The following SLC22A3 variants were observed in gnomAD, a reference collection of about 807,000 sequenced individuals.
SLC22A3 encodes EMT organic cation transporter 3.
A neutral mutation model predicts 59.1 loss-of-function variants in SLC22A3; 51 were observed. That is an observed-to-expected ratio of 0.86 (90% confidence interval 0.69 to 1.09). SLC22A3 has a LOEUF of 1.09. Among genes scored for constraint, SLC22A3 ranks in the 50% least tolerant of loss-of-function variants. The pLI is 0.00. For synonymous variants in SLC22A3, 325 were observed against 292.0 expected (o/e 1.11, Z -1.15); for missense variants, 711 against 726.3 (o/e 0.98, Z 0.24).
chr6:160,373,283 A>T (rs1785465959), intron 1 of SLC22A3, among the ~76,000 whole-genome samples: 1 of 151,824 alleles, frequency 6.6e-6, no homozygotes, highest in African/African-American at 2.4e-5. Context: ...AGTCTGCTGG[A>T]GTTTGTTGGA....
intron 7 of SLC22A3, among the ~76,000 whole-genome samples, chr6:160,439,065 C>A (rs1245548110): frequency 6.6e-6 from 1 of 152,088 alleles, no homozygotes; most frequent in African/African-American, 2.4e-5. Context: ...ATGGAATTAA[C>A]ATATTATAAG....
intron 1 of SLC22A3, among the ~76,000 whole-genome samples, chr6:160,385,939 C>T (rs1449631432): frequency 6.6e-6 from 1 of 151,474 alleles, no homozygotes; most frequent in Non-Finnish European, 1.5e-5. Context: ...AAATCTGTGA[C>T]TCAGTGACCT....
At chr6:160,442,954 G>A (rs1292093215) in intron 8 of SLC22A3, 85 bp downstream of exon 8, 17 of 1,056,510 alleles carry the variant, frequency 1.6e-5, no homozygotes, top group East Asian at 5.1e-5. Flanking sequence ...CTATGAAGTC[G>A]TTTCCTTAGC....
At chr6:160,349,090 G>A (rs1258977110) in intron 1 of SLC22A3, 3 of 985,220 alleles carry the variant, frequency 3.0e-6, no homozygotes, top group Non-Finnish European at 3.6e-6. Flanking sequence ...TTGGTTTCGG[G>A]TGTGAACAAA....
intron 2 of SLC22A3, among the ~76,000 whole-genome samples, chr6:160,403,738 T>C (rs990791284): frequency 1.3e-5 from 2 of 151,248 alleles, no homozygotes; most frequent in Non-Finnish European, 3.0e-5. Context: ...ATCCCAAGTA[T>C]GTAAAACTGG....
At chr6:160,376,322 A>T (rs778740644) in intron 1 of SLC22A3, among the ~76,000 whole-genome samples, 3 of 150,698 alleles carry the variant, frequency 2.0e-5, no homozygotes, top group South Asian at 2.1e-4. Context: ...CAGGGGAACA[A>T]CACACACCGG....
chr6:160,348,533 C>A lies in SLC22A3; in HGVS notation c.114C>A (p.Gly38=). 1 of 1,562,956 alleles carries A rather than the reference C, an allele frequency of 6.4e-7. No individual in the cohort carries two copies. The highest frequency in any genetic ancestry group is 8.6e-7 in the Non-Finnish European group (1 of 1,163,106). ...TCACCTTCGCCTTCCTCTTCGTCGG[C>A]GTGGTCTTCCTGGGCACGCAGCCCG... ...TGVTFAFLFV[G]VVFLGTQPDH... is the part of the protein sequence containing the mutation. Residue 38 remains glycine (G), a synonymous_variant, in exon 1 of 11, where the codon GGC becomes GGA. Transcript: ENST00000275300.
intron 7 of SLC22A3, 86 bp from the exon 8 acceptor site, chr6:160,442,675 A>G: frequency 1.0e-6 from 1 of 996,502 alleles, no homozygotes; most frequent in Admixed American, 1.8e-5. Flanking sequence ...ACTGGAGGCC[A>G]CTAAGCAAAT....
At chr6:160,357,894 G>A (rs1784894875) in intron 1 of SLC22A3, among the ~76,000 whole-genome samples, 2 of 152,312 alleles carry the variant, frequency 1.3e-5, no homozygotes, top group South Asian at 4.1e-4. Context: ...CAGTTAGTGG[G>A]AAATTATGTG....
At position 160,408,793 on chromosome 6, in the gene SLC22A3, A is replaced by G. The variant is rs1787122761; in HGVS notation, c.729A>G (p.Gly243=). 3 of 1,613,764 alleles carry G rather than the reference A, an allele frequency of 1.9e-6. No individual in the cohort carries two copies. Among genetic ancestry groups the G allele is most frequent in the East Asian group, 4.5e-5 (2 of 44,848 alleles). ...IVGSKQRRIV[G]IVIQMFFTLG... ...GTTCGAAACAAAGGAGGATTGTGGG[A>G]ATCGTGATTCAAATGTTCTTTACCC... is the stretch of plus-strand genomic sequence containing the variant. The change falls in exon 4 of 11, where the codon GGA becomes GGG. Residue 243 remains glycine (G), a synonymous_variant. Transcript: ENST00000275300.
At chr6:160,418,372 G>C (rs143687679) in intron 5 of SLC22A3, among the ~76,000 whole-genome samples, 1,735 of 152,280 alleles carry the variant, frequency 0.011, 12 homozygotes, top group Non-Finnish European at 0.018. Context: ...CATACTGAAG[G>C]CTGCACTGTT....
intron 1 of SLC22A3, among the ~76,000 whole-genome samples, chr6:160,370,271 G>C (rs1227410663): frequency 6.6e-6 from 1 of 152,206 alleles, no homozygotes; most frequent in African/African-American, 2.4e-5. Context: ...TGATGAAGGT[G>C]GGGCAAAGTT....
At chr6:160,440,839 A>C (rs560739577) in intron 7 of SLC22A3, among the ~76,000 whole-genome samples, 2 of 152,266 alleles carry the variant, frequency 1.3e-5, no homozygotes, top group South Asian at 4.2e-4. Context: ...TTTCAGATTA[A>C]GGTCAATGTT....
intron 1 of SLC22A3, among the ~76,000 whole-genome samples, chr6:160,356,687 G>C (rs370088581): frequency 3.3e-5 from 5 of 152,124 alleles, no homozygotes; most frequent in East Asian, 1.9e-4. Context: ...ATTCTGCCTC[G>C]GTTTTTTCCC....
chr6:160,438,138 C>CAGAGTTAAATT (rs1199847635), intron 7 of SLC22A3, among the ~76,000 whole-genome samples: 1 of 152,108 alleles, frequency 6.6e-6, no homozygotes, highest in Non-Finnish European at 1.5e-5. Context: ...AGAGATGTTG[C>CAGAGTTAAATT]AGAGTTAAAT....
In SLC22A3 at chr6:160,348,405, G is replaced by T; in HGVS notation, c.-15G>T. 1 of 1,443,894 alleles carries T rather than the reference G, an allele frequency of 6.9e-7. No homozygotes were observed. The allele number at this position is 1,443,894 out of a possible 1,614,324, so 89.4% of individuals were successfully genotyped here. A position where few individuals can be genotyped will look rare whatever the true frequency, so the allele number is the denominator to read the frequency against. Reference sequence around the variant, plus strand: ...TCCGAGGCGCGGGCTGCGGGCGGCGGGCGGCGGGCGCACCATGCCCTCCTT... The same window carrying T: ...TCCGAGGCGCGGGCTGCGGGCGGCGTGCGGCGGGCGCACCATGCCCTCCTT... On this transcript the variant is annotated 5_prime_UTR_variant, in exon 1 of 11. Transcript: ENST00000275300.
intron 1 of SLC22A3, among the ~76,000 whole-genome samples, chr6:160,395,527 T>G (rs1029519777): frequency 1.3e-5 from 2 of 152,256 alleles, no homozygotes; most frequent in East Asian, 1.9e-4. Flanking sequence ...TGAAATTCTA[T>G]GTACTTTTAT....
Position 160,451,212 on chromosome 6 carries a change from T to C in SLC22A3, c.*156T>C, listed in dbSNP as rs547147648. ...TCAATCTATCCAGAGTATTTTTATA[T>C]AATGTTGGATGAGTTAGGATTTGTA... On this transcript the variant is annotated 3_prime_UTR_variant, in exon 11 of 11. Coordinates refer to ENST00000275300, the MANE Select transcript of SLC22A3 (RefSeq NM_021977.4). 7.3e-6 allele frequency: 5 copies of C among 683,942 alleles called. No homozygotes were observed. The African/African-American group carries it at 9.0e-5, about 12-fold the overall frequency. 42.4% of individuals were successfully genotyped at this position (683,942 alleles called of 1,614,324 possible).
chr6:160,352,447 C>A (rs1784693199), intron 1 of SLC22A3, among the ~76,000 whole-genome samples: 1 of 152,170 alleles, frequency 6.6e-6, no homozygotes, highest in Non-Finnish European at 1.5e-5. Context: ...TATTTCAATT[C>A]ACTGCCCAGG....
Sources: gnomAD v4.1 joint callset for allele counts (sites outside exome capture counted in the v4.1 genomes callset) on GRCh38, gnomAD v4.1.1 for gene constraint, MANE v1.5 for transcripts, NCBI Gene and HGNC (gene_info 2026-07-23, HGNC 2026-07-21) for gene names.